PTK2: variants seen among roughly 807,000 people sequenced by gnomAD.
The protein encoded by PTK2 is protein tyrosine kinase 2, also known as focal adhesion kinase 1.
Under a neutral mutation model 150.1 loss-of-function variants are expected in PTK2, and 45 were observed. That is an observed-to-expected ratio of 0.30 (90% CI 0.24 to 0.38). The LOEUF is 0.38. Ranked by LOEUF, PTK2 falls within the 10% of genes least tolerant of loss-of-function variation. PTK2 has a pLI of 1.00. For missense variants in PTK2, 919 were observed against 1,307.3 expected, an observed-to-expected ratio of 0.70 and a Z score of 4.58; for synonymous variants, 432 against 449.2, an observed-to-expected ratio of 0.96 and a Z score of 0.48.
chr8:140,739,139 CT>C, intron 20 of PTK2, 32 bp from the exon 24 acceptor site: 1 of 1,416,496 alleles, frequency 7.1e-7, no homozygotes, highest in Non-Finnish European at 9.6e-7. Flanking sequence ...ATAAATTTTC[CT>C]TGTTATCTGC....
intron 8 of PTK2, among the ~76,000 whole-genome samples, chr8:140,822,659 T>TGAGA (rs2100109483): frequency 6.6e-6 from 1 of 152,116 alleles, no homozygotes; most frequent in Non-Finnish European, 1.5e-5. Context: ...AACCACCACA[T>TGAGA]CCCTATGGGT....
At chr8:140,708,968 CAA>C (rs34259948) in intron 23 of PTK2, among the ~76,000 whole-genome samples, 23 of 132,438 alleles carry the variant, frequency 1.7e-4, no homozygotes, top group Admixed American at 4.7e-4. Flanking sequence ...TAAATTCAGG[CAA>C]AAAAAAAAAA....
chr8:140,824,642 A>C (rs1011107479), intron 8 of PTK2, among the ~76,000 whole-genome samples: 4 of 152,232 alleles, frequency 2.6e-5, no homozygotes, highest in Admixed American at 2.0e-4. Context: ...CTCCAAAATC[A>C]GTTTTTACGA....
At chr8:140,841,475 A>G (rs1262879035) in intron 7 of PTK2, among the ~76,000 whole-genome samples, 1 of 152,186 alleles carries the variant, frequency 6.6e-6, no homozygotes, top group African/African-American at 2.4e-5. Flanking sequence ...TTGAAAATGT[A>G]AAAACAGAAA....
chr8:140,717,772 C>T (rs2100040621), intron 22 of PTK2, 63 bp from the exon 26 acceptor site: 2 of 1,302,360 alleles, frequency 1.5e-6, no homozygotes, highest in East Asian at 2.3e-5. Flanking sequence ...CACTAGACCC[C>T]ACCCTGAGTT....
chr8:140,728,419 C>T (rs1230047915), intron 22 of PTK2, among the ~76,000 whole-genome samples: 1 of 152,166 alleles, frequency 6.6e-6, no homozygotes, highest in East Asian at 1.9e-4. Flanking sequence ...CACCAGGTCC[C>T]TTCTGGATTT....
intron 23 of PTK2, among the ~76,000 whole-genome samples, chr8:140,712,014 G>A (rs1346213959): frequency 6.6e-6 from 1 of 152,080 alleles, no homozygotes; most frequent in Non-Finnish European, 1.5e-5. Flanking sequence ...ACAATGTTCT[G>A]AGGCAGTTAT....
intron 14 of PTK2, among the ~76,000 whole-genome samples, chr8:140,777,922 T>C (rs1422526855): frequency 1.3e-5 from 2 of 152,182 alleles, no homozygotes; most frequent in Admixed American, 6.5e-5. Context: ...AATCACTTTT[T>C]CCCATGCCTT....
intron 1 of PTK2, among the ~76,000 whole-genome samples, chr8:140,938,388 C>T (rs1451595337): frequency 6.6e-6 from 1 of 152,188 alleles, no homozygotes; most frequent in African/African-American, 2.4e-5. Flanking sequence ...ATTCCTCAAA[C>T]TCTCATAAAA....
At chr8:140,881,284 G>A (rs937320716) in intron 3 of PTK2, among the ~76,000 whole-genome samples, 2 of 152,202 alleles carry the variant, frequency 1.3e-5, no homozygotes, top group African/African-American at 4.8e-5. Context: ...GTGCTCTGGG[G>A]TGGGGAACTT....
chr8:140,988,328 G>A (rs1315459165), intron 1 of PTK2, among the ~76,000 whole-genome samples: 2 of 152,182 alleles, frequency 1.3e-5, no homozygotes, highest in African/African-American at 4.8e-5. Context: ...TTGAAGAAGA[G>A]ACAAGTAGGA....
intron 27 of PTK2, among the ~76,000 whole-genome samples, chr8:140,678,056 AT>A (rs972646849): frequency 2.0e-5 from 3 of 152,152 alleles, no homozygotes; most frequent in Non-Finnish European, 4.4e-5. Context: ...TGGTTGATTG[AT>A]TAAGTGAGTG....
At chr8:140,835,384 C>T (rs367641937) in intron 7 of PTK2, among the ~76,000 whole-genome samples, 2 of 152,140 alleles carry the variant, frequency 1.3e-5, no homozygotes, top group African/African-American at 4.8e-5. Context: ...GGCAAAAATG[C>T]AGCCAAAACT....
chr8:140,949,445 G>A (rs1018980734), intron 1 of PTK2, among the ~76,000 whole-genome samples: 6 of 152,176 alleles, frequency 3.9e-5, no homozygotes, highest in Non-Finnish European at 7.4e-5. Flanking sequence ...CCTCGGCTCC[G>A]GAGCTGGGCA....
At chr8:140,829,068 T>C (rs2154602738) in intron 8 of PTK2, among the ~76,000 whole-genome samples, 1 of 152,336 alleles carries the variant, frequency 6.6e-6, no homozygotes. Context: ...TAATTCACTG[T>C]AGTATTTCAC....
At chr8:140,855,522 G>T (rs1444954802) in intron 5 of PTK2, among the ~76,000 whole-genome samples, 1 of 152,074 alleles carries the variant, frequency 6.6e-6, no homozygotes, top group Non-Finnish European at 1.5e-5. Flanking sequence ...CTGAACCCAG[G>T]AGGCGGAGGT....
chr8:140,731,842 G>C (rs986282998), intron 22 of PTK2, among the ~76,000 whole-genome samples: 31 of 152,294 alleles, frequency 2.0e-4, no homozygotes, highest in African/African-American at 6.5e-4. Flanking sequence ...GGTGGAGGTT[G>C]CAGGCAGCAG....
chr8:140,867,298 A>T (rs2100139912), intron 4 of PTK2, among the ~76,000 whole-genome samples: 1 of 152,180 alleles, frequency 6.6e-6, no homozygotes, highest in African/African-American at 2.4e-5. Flanking sequence ...TCTGGGTGAG[A>T]AATAATAGCC....
intron 27 of PTK2, among the ~76,000 whole-genome samples, chr8:140,684,793 G>A (rs2100018897): frequency 6.6e-6 from 1 of 151,996 alleles, no homozygotes; most frequent in African/African-American, 2.4e-5. Context: ...CCCAAAGTAT[G>A]GTCGTACCGC....
Sources: allele counts gnomAD v4.1 joint callset (sites outside exome capture counted in the v4.1 genomes callset), GRCh38; gene constraint gnomAD v4.1.1; transcripts MANE v1.5; gene names NCBI Gene and HGNC (gene_info 2026-07-23, HGNC 2026-07-21).